The following EYS variants were observed in gnomAD, a reference collection of about 807,000 sequenced individuals.
EYS encodes the protein EGF-like photoreceptor maintenance factor.
Under a neutral mutation model 282.1 loss-of-function variants are expected in EYS, and 250 were observed. That is an observed-to-expected ratio of 0.89 (90% CI 0.80 to 0.98). The LOEUF (loss-of-function observed/expected upper bound fraction) is 0.98. Among genes scored for constraint, EYS ranks in the 50% least tolerant of loss-of-function variants. The pLI is 0.00. For synonymous variants in EYS, 1,355 were observed against 1,282.9 expected, an observed-to-expected ratio of 1.06 and a Z score of -1.20; for missense variants, 4,016 against 3,709.0, an observed-to-expected ratio of 1.08 and a Z score of -2.15.
chr6:65,351,665 G>T lies in EYS; in HGVS notation c.1459+1793C>A, dbSNP rs757067568. Among the ~76,000 whole-genome samples, 3 of 151,740 alleles carry T rather than the reference G, an allele frequency of 2.0e-5. No individual in the cohort carries two copies. In the East Asian group the frequency reaches 5.8e-4, roughly 29 times the overall value. ...CATATGAAAGCATTATTCCTACTAT[G>T]AGATAAAGGAAAATGAAGTGCAAAA... On this transcript the variant is annotated intron_variant, in intron 9 of 42. Coordinates refer to ENST00000503581, the MANE Select transcript of EYS (RefSeq NM_001142800.2).
rs557179215 is a variant in EYS, at chr6:64,093,713, G to A, written c.6425-11711C>T. Among the ~76,000 whole-genome samples, 3 of 152,236 alleles carry A rather than the reference G, an allele frequency of 2.0e-5. No individual in the cohort carries two copies. In the East Asian group the frequency reaches 5.8e-4, roughly 29 times the overall value. On this transcript the variant is annotated intron_variant, in intron 31 of 42. Transcript: ENST00000503581. ...TGTCATCTGCAAACAGGGACAATTT[G>A]ACTTCCTCTTTTCCTAGTTGAATAC...
intron 2 of EYS, among the ~76,000 whole-genome samples, chr6:65,536,201 C>T (rs960844097): frequency 2.0e-5 from 3 of 151,456 alleles, no homozygotes; most frequent in African/African-American, 7.3e-5. Flanking sequence ...AGGAGAGATA[C>T]CTTGTTAAAG....
chr6:65,490,120 G>C (rs1765984119), intron 5 of EYS: 1 of 153,480 alleles, frequency 6.5e-6, no homozygotes, highest in South Asian at 2.0e-4. Context: ...AGAACTTAAA[G>C]TGTAATTTAA....
intron 33 of EYS, among the ~76,000 whole-genome samples, chr6:64,031,597 G>A (rs1054765787): frequency 3.9e-5 from 6 of 152,228 alleles, no homozygotes; most frequent in Non-Finnish European, 8.8e-5. Context: ...TGAGTCTGGT[G>A]GGGACTTGCA....
At chr6:64,786,719 CT>C in intron 22 of EYS, among the ~76,000 whole-genome samples, 1 of 152,298 alleles carries the variant, frequency 6.6e-6, no homozygotes. Flanking sequence ...ATCTTACACC[CT>C]TCTTTAAAAC....
intron 12 of EYS, among the ~76,000 whole-genome samples, chr6:65,126,539 A>C (rs1775723428): frequency 6.6e-6 from 1 of 152,162 alleles, no homozygotes; most frequent in African/African-American, 2.4e-5. Context: ...TGACCACATC[A>C]GCAACACCAG....
chr6:65,020,925 CT>C (rs1162448889), intron 13 of EYS, among the ~76,000 whole-genome samples: 2 of 152,106 alleles, frequency 1.3e-5, no homozygotes, highest in African/African-American at 4.8e-5. Flanking sequence ...GTACATTTCC[CT>C]TTTTTAGCTA....
chr6:65,182,509 G>A (rs1021170309), intron 12 of EYS, among the ~76,000 whole-genome samples: 6 of 151,264 alleles, frequency 4.0e-5, no homozygotes, highest in African/African-American at 9.7e-5. Flanking sequence ...GTATTTCCAC[G>A]TCACTGCATT....
At chr6:65,574,234 A>G (rs1764579280) in intron 2 of EYS, among the ~76,000 whole-genome samples, 1 of 152,144 alleles carries the variant, frequency 6.6e-6, no homozygotes, top group Non-Finnish European at 1.5e-5. Flanking sequence ...GCCAAGAGCA[A>G]CCCACTAGCT....
At chr6:64,359,410 T>A (rs115950784) in intron 29 of EYS, among the ~76,000 whole-genome samples, 2,462 of 151,828 alleles carry the variant, frequency 0.016, 50 homozygotes, top group Non-Finnish European at 0.02. Context: ...CTGGCCTATG[T>A]CTAGATTTCT....
intron 39 of EYS, among the ~76,000 whole-genome samples, chr6:63,779,740 T>TC: frequency 6.8e-6 from 1 of 147,802 alleles, no homozygotes; most frequent in Middle Eastern, 3.4e-3. Context: ...TAAAAAGCTT[T>TC]CTTTTTCTTT....
Position 64,000,168 on chromosome 6 carries a change from CTTTTTTTTTTTTTTTTTTTTTTTTT to C in EYS, c.6726-1010_6726-986del, listed in dbSNP as rs71551553. On this transcript the variant is annotated intron_variant, in intron 33 of 42. Coordinates refer to ENST00000503581, the MANE Select transcript of EYS (RefSeq NM_001142800.2). Reference sequence around the variant, plus strand: ...CTGAGGAGTTTCCCAAGACATGGGACTTTTTTTTTTTTTTTTTTTTTTTTTTTTTTTTTTTTTTTTTTAGACAGAG... The same window carrying C: ...CTGAGGAGTTTCCCAAGACATGGGACTTTTTTTTTTTTTTTTTAGACAGAG... 4.4e-4 allele frequency among the ~76,000 whole-genome samples: 19 copies of C among 42,736 alleles called. 1 individual carries two copies. The East Asian group carries it at 5.1e-3, about 12-fold the overall frequency. 28.0% of individuals were successfully genotyped at this position (42,736 alleles called of 152,430 possible). A position where few individuals can be genotyped will look rare whatever the true frequency, so the allele number is the denominator to read the frequency against.
At chr6:63,793,424 T>C (rs576605087) in intron 37 of EYS, among the ~76,000 whole-genome samples, 1 of 152,244 alleles carries the variant, frequency 6.6e-6, no homozygotes. Flanking sequence ...TACATATGCA[T>C]GCACAAGCTT....
intron 28 of EYS, among the ~76,000 whole-genome samples, chr6:64,427,548 C>A (rs1774447876): frequency 1.3e-5 from 2 of 151,986 alleles, no homozygotes; most frequent in South Asian, 4.1e-4. Flanking sequence ...AATATGCTCT[C>A]ATTATATATT....
intron 26 of EYS, among the ~76,000 whole-genome samples, chr6:64,524,805 T>C (rs1488092057): frequency 6.6e-6 from 1 of 151,778 alleles, no homozygotes; most frequent in African/African-American, 2.4e-5. Flanking sequence ...TTTTGGGCTC[T>C]CTATTCTGTT....
At chr6:65,140,586 T>C (rs528440054) in intron 12 of EYS, among the ~76,000 whole-genome samples, 88 of 151,142 alleles carry the variant, frequency 5.8e-4, no homozygotes, top group African/African-American at 1.8e-3. Flanking sequence ...TTTCGCAACC[T>C]ACTCATCTGA....
Position 64,813,439 on chromosome 6 carries a change from A to T in EYS, c.3382T>A (p.Ser1128Thr), listed in dbSNP as rs1233478368. Residue 1128 changes from serine (S) to threonine (T), a missense_variant, in exon 22 of 43, where the codon TCA becomes ACA. Physicochemically the swap from Ser to Thr is moderately conservative, Grantham distance 58 (BLOSUM62 1). Coordinates refer to ENST00000503581, the MANE Select transcript of EYS (RefSeq NM_001142800.2). Reference protein sequence around the residue: ...IDNCAEPELNSVICLNGGICV... With the variant: ...IDNCAEPELNTVICLNGGICV... ...ATCCCTCCATTAAGACAGATGACTG[A>T]ATTAAGTTCAGGCTCAGCACAATTA... is the stretch of plus-strand genomic sequence containing the variant. The T allele has an allele frequency of 1.9e-6, 3 of 1,550,500 alleles. No individual in the cohort carries two copies. In the South Asian group the frequency reaches 3.6e-5, roughly 18 times the overall value.
intron 31 of EYS, among the ~76,000 whole-genome samples, chr6:64,199,115 C>T (rs578173073): frequency 2.6e-5 from 4 of 152,184 alleles, no homozygotes; most frequent in Non-Finnish European, 4.4e-5. Context: ...CAAAAAAGAG[C>T]CCATATAGCC....
chr6:64,125,518 C>T (rs1331270682), intron 31 of EYS, among the ~76,000 whole-genome samples: 8 of 151,784 alleles, frequency 5.3e-5, no homozygotes, highest in Admixed American at 1.3e-4. Context: ...CGGTGGCTCA[C>T]GCCTGGCCTG....
Sources: gnomAD v4.1 joint callset for allele counts (sites outside exome capture counted in the v4.1 genomes callset) on GRCh38, gnomAD v4.1.1 for gene constraint, MANE v1.5 for transcripts, NCBI Gene and HGNC (gene_info 2026-07-23, HGNC 2026-07-21) for gene names.